PIK3C2G: variants seen among roughly 807,000 people sequenced by gnomAD.
PIK3C2G encodes the protein phosphatidylinositol-4-phosphate 3-kinase catalytic subunit type 2 gamma.
A neutral mutation model predicts 181.1 loss-of-function variants in PIK3C2G; 168 were observed. The observed-to-expected ratio is 0.93, with a 90% CI of 0.82 to 1.05. The LOEUF (loss-of-function observed/expected upper bound fraction) is 1.05. Among genes scored for constraint, PIK3C2G ranks in the 50% least tolerant of loss-of-function variants. PIK3C2G has a pLI of 0.00. For synonymous variants in PIK3C2G, 573 were observed against 592.2 expected (o/e 0.97, Z 0.47); for missense variants, 1,869 against 1,732.8 (o/e 1.08, Z -1.40).
Position 18,469,159 on chromosome 12 carries a change from T to C in PIK3C2G, c.2505-19290T>C, listed in dbSNP as rs573121937. ...TCAATCTTTATTTCCAAATCAGAGT[T>C]AAATTTGCTTCCTACGTCAGTGTGA... On this transcript the variant is annotated intron_variant, in intron 18 of 32. Transcript: ENST00000538779. Among the ~76,000 whole-genome samples the C allele has an allele frequency of 5.9e-5, 9 of 152,216 alleles. No individual in the cohort carries two copies. The East Asian group carries it at 1.5e-3, about 26-fold the overall frequency.
chr12:18,346,585 G>C lies in PIK3C2G; in HGVS notation c.1430-56G>C, dbSNP rs11044040. 1.0e-3 allele frequency: 960 copies of C among 952,246 alleles called. 2 individuals carry two copies. In the African/African-American group the frequency reaches 0.014, roughly 14 times the overall value. 59.0% of individuals were successfully genotyped at this position (952,246 alleles called of 1,614,324 possible). A position where few individuals can be genotyped will look rare whatever the true frequency, so the allele number is the denominator to read the frequency against. On this transcript the variant is annotated intron_variant, in intron 10 of 32. Coordinates refer to ENST00000538779, the MANE Select transcript of PIK3C2G (RefSeq NM_001288772.2). The stretch of plus-strand genomic sequence containing the variant: ...TGACATTTCAAAGCTGTAATTGATG[G>C]CCTATGATAAATATGGCCCTTCTTA...
At chr12:18,344,336 A>ACACT (rs1939442824) in intron 10 of PIK3C2G, among the ~76,000 whole-genome samples, 1 of 152,112 alleles carries the variant, frequency 6.6e-6, no homozygotes, top group Non-Finnish European at 1.5e-5. Context: ...TCAAAAGAAG[A>ACACT]CACTCAATTA....
At chr12:18,392,646 A>G (rs539952826) in intron 15 of PIK3C2G, among the ~76,000 whole-genome samples, 1 of 152,032 alleles carries the variant, frequency 6.6e-6, no homozygotes, top group Non-Finnish European at 1.5e-5. Flanking sequence ...CTCACTCTCT[A>G]TCATATTACC....
At chr12:18,713,050 T>C in the PIK3C2G span, 4 of 1,579,518 alleles carry the variant, frequency 2.5e-6, no homozygotes, top group Non-Finnish European at 3.5e-6. Context: ...ACCAAAGTAT[T>C]AAAATATTCC....
At chr12:18,611,930 T>C (rs1340810192) in intron 31 of PIK3C2G, among the ~76,000 whole-genome samples, 6 of 152,154 alleles carry the variant, frequency 3.9e-5, no homozygotes, top group Admixed American at 3.9e-4. Flanking sequence ...CTTTTTAATC[T>C]AGCAGCCTGA....
chr12:18,718,289 C>T, the PIK3C2G span, among the ~76,000 whole-genome samples: 1 of 152,170 alleles, frequency 6.6e-6, no homozygotes. Flanking sequence ...AGCTATATCA[C>T]CTGCACTGCT....
intron 29 of PIK3C2G, among the ~76,000 whole-genome samples, chr12:18,591,770 G>A (rs1186698972): frequency 2.6e-5 from 4 of 151,828 alleles, no homozygotes; most frequent in African/African-American, 9.7e-5. Context: ...AAGATCTGTT[G>A]AGCAATTGTG....
chr12:18,472,328 C>A (rs1243477691), intron 18 of PIK3C2G, among the ~76,000 whole-genome samples: 2 of 152,154 alleles, frequency 1.3e-5, no homozygotes, highest in Non-Finnish European at 2.9e-5. Flanking sequence ...TTTTTGGACT[C>A]TGGATTTGTG....
intron 25 of PIK3C2G, among the ~76,000 whole-genome samples, chr12:18,545,651 C>T (rs1041459801): frequency 5.3e-5 from 8 of 151,830 alleles, no homozygotes; most frequent in African/African-American, 1.9e-4. Flanking sequence ...AGGAAAATAT[C>T]TTATACAATT....
At chr12:18,362,711 A>C in intron 11 of PIK3C2G, 53 bp from the exon 12 acceptor site, 2 of 1,355,634 alleles carry the variant, frequency 1.5e-6, no homozygotes, top group Non-Finnish European at 2.0e-6. Flanking sequence ...CCATATAGAA[A>C]GCTAGTTTCT....
At chr12:18,400,939 T>A (rs1180149378) in intron 16 of PIK3C2G, among the ~76,000 whole-genome samples, 1 of 152,074 alleles carries the variant, frequency 6.6e-6, no homozygotes, top group Non-Finnish European at 1.5e-5. Flanking sequence ...TTGTAAGCCT[T>A]CTTGTGTGGG....
chr12:18,249,964 AAAT>A (rs1948079752), intron 1 of PIK3C2G, among the ~76,000 whole-genome samples: 1 of 152,086 alleles, frequency 6.6e-6, no homozygotes, highest in African/African-American at 2.4e-5. Flanking sequence ...ATCACAGTGA[AAAT>A]AATATTTCCT....
At chr12:18,707,113 C>T in the PIK3C2G span, among the ~76,000 whole-genome samples, 206 of 152,256 alleles carry the variant, frequency 1.4e-3, 1 homozygote, top group African/African-American at 4.7e-3. Context: ...TGGTGTTCAG[C>T]GCCTACTCAG....
intron 5 of PIK3C2G, among the ~76,000 whole-genome samples, chr12:18,302,334 G>A (rs1269691770): frequency 6.6e-6 from 1 of 152,200 alleles, no homozygotes; most frequent in Non-Finnish European, 1.5e-5. Context: ...TCACACTGGT[G>A]CTAGCAGTGG....
At chr12:18,271,902 G>A (rs1274664422) in intron 1 of PIK3C2G, among the ~76,000 whole-genome samples, 1 of 152,016 alleles carries the variant, frequency 6.6e-6, no homozygotes, top group Non-Finnish European at 1.5e-5. Context: ...GATGATATTA[G>A]CAACTACACA....
downstream of PIK3C2G, among the ~76,000 whole-genome samples, chr12:18,650,700 GTGTGTATATATCTATA>G (rs1950439286): frequency 1.1e-3 from 47 of 43,822 alleles, 3 homozygotes; most frequent in Non-Finnish European, 1.6e-3. Flanking sequence ...GTGTGTGTGT[GTGTGTATATATCTATA>G]TATATATATA....
intron 31 of PIK3C2G, among the ~76,000 whole-genome samples, chr12:18,611,139 G>C (rs1948309760): frequency 6.6e-6 from 1 of 152,084 alleles, no homozygotes; most frequent in Non-Finnish European, 1.5e-5. Flanking sequence ...TACCAATGAA[G>C]ATCTTCAAAG....
At chr12:18,311,170 A>C (rs922328030) in intron 5 of PIK3C2G, among the ~76,000 whole-genome samples, 19 of 151,998 alleles carry the variant, frequency 1.3e-4, no homozygotes, top group Admixed American at 5.2e-4. Context: ...TCTGATAATT[A>C]TGGTGCCAGA....
intron 5 of PIK3C2G, among the ~76,000 whole-genome samples, chr12:18,306,300 C>A (rs1950418843): frequency 6.6e-6 from 1 of 151,978 alleles, no homozygotes; most frequent in African/African-American, 2.4e-5. Context: ...ATGTCCCATA[C>A]AGGATTTTTG....
Sources: gnomAD v4.1 joint callset for allele counts (sites outside exome capture counted in the v4.1 genomes callset) on GRCh38, gnomAD v4.1.1 for gene constraint, MANE v1.5 for transcripts, NCBI Gene and HGNC (gene_info 2026-07-23, HGNC 2026-07-21) for gene names.